The following TNR variants were observed in gnomAD, a reference collection of about 807,000 sequenced individuals.
TNR encodes tenascin-R.
In TNR, 45 loss-of-function variants were observed where a neutral mutation model predicts 150.4. The ratio of observed to expected loss-of-function variants is 0.30; its 90% confidence interval spans 0.24 to 0.38. TNR has a LOEUF of 0.38. Ranked by LOEUF, TNR falls within the 10% of genes least tolerant of loss-of-function variation. TNR has a pLI of 1.00. For synonymous variants in TNR, 687 were observed against 678.4 expected (o/e 1.01, Z -0.20); for missense variants, 1,544 against 1,759.1 (o/e 0.88, Z 2.19).
intron 8 of TNR, among the ~76,000 whole-genome samples, 172 bp downstream of exon 8, chr1:175,385,860 G>A (rs957494394): frequency 6.6e-6 from 1 of 152,186 alleles, no homozygotes; most frequent in Non-Finnish European, 1.5e-5. Context: ...AGGGAGCGCT[G>A]CTTTTCCTGT....
chr1:175,336,146 G>A (rs978253341), intron 19 of TNR, among the ~76,000 whole-genome samples: 3 of 152,190 alleles, frequency 2.0e-5, no homozygotes, highest in Admixed American at 6.5e-5. Context: ...GCTCTCAAAC[G>A]AATCTTTTGC....
In TNR at chr1:175,739,727, G is replaced by A. The variant is rs191940518; in HGVS notation, c.-165+3499C>T. 1.5e-3 allele frequency among the ~76,000 whole-genome samples: 222 copies of A among 152,096 alleles called. 2 individuals carry two copies. The highest frequency in any genetic ancestry group is 8.0e-4 in the African/African-American group (33 of 41,484). Reference sequence around the variant, plus strand: ...AATTTACTCTTAAATAAAGAGAAACGGCACCCTCCTCAGCCATGACCTTTG... The same window carrying A: ...AATTTACTCTTAAATAAAGAGAAACAGCACCCTCCTCAGCCATGACCTTTG... On this transcript the variant is annotated intron_variant, in intron 1 of 22. Coordinates refer to ENST00000367674, the MANE Select transcript of TNR (RefSeq NM_003285.3).
intron 2 of TNR, among the ~76,000 whole-genome samples, chr1:175,503,951 T>C (rs1457627403): frequency 1.3e-5 from 2 of 152,176 alleles, no homozygotes; most frequent in Non-Finnish European, 2.9e-5. Context: ...TGGGTTTACA[T>C]ATTGACAAAG....
At chr1:175,493,928 G>A (rs1307047945) in intron 2 of TNR, among the ~76,000 whole-genome samples, 1 of 152,086 alleles carries the variant, frequency 6.6e-6, no homozygotes, top group Non-Finnish European at 1.5e-5. Flanking sequence ...AGGAGCCTCC[G>A]TGAGATCCAC....
At chr1:175,505,298 T>A (rs534124398) in intron 2 of TNR, among the ~76,000 whole-genome samples, 4 of 152,230 alleles carry the variant, frequency 2.6e-5, no homozygotes, top group Non-Finnish European at 4.4e-5. Flanking sequence ...ACTGGGCTTA[T>A]CTCGGGCTTC....
intron 1 of TNR, among the ~76,000 whole-genome samples, chr1:175,613,507 T>A (rs886958165): frequency 2.6e-5 from 4 of 151,500 alleles, no homozygotes; most frequent in African/African-American, 9.7e-5. Context: ...GCCTGGTTCT[T>A]CTCGCCTGCA....
intron 1 of TNR, among the ~76,000 whole-genome samples, chr1:175,682,125 C>T (rs963900171): frequency 6.6e-6 from 1 of 152,182 alleles, no homozygotes; most frequent in African/African-American, 2.4e-5. Context: ...TATCTTCAAT[C>T]CCACATTTAC....
At chr1:175,709,788 C>G (rs1440076717) in intron 1 of TNR, among the ~76,000 whole-genome samples, 1 of 151,910 alleles carries the variant, frequency 6.6e-6, no homozygotes, top group Non-Finnish European at 1.5e-5. Flanking sequence ...TACTGAGCAC[C>G]CTACTGCTTC....
At chr1:175,432,793 T>A (rs1286601105) in intron 2 of TNR, among the ~76,000 whole-genome samples, 3 of 152,140 alleles carry the variant, frequency 2.0e-5, no homozygotes, top group African/African-American at 7.2e-5. Context: ...ATATTCACTC[T>A]CCTCTTCTCT....
chr1:175,622,024 G>T (rs1663993796), intron 1 of TNR, among the ~76,000 whole-genome samples: 1 of 152,226 alleles, frequency 6.6e-6, no homozygotes, highest in Admixed American at 6.5e-5. Flanking sequence ...ACTCTGTGAG[G>T]ATGTTAAGAG....
rs6657358 is a variant in TNR, at chr1:175,503,171, G to A, written c.-64+25098C>T. On this transcript the variant is annotated intron_variant, in intron 2 of 22. Coordinates refer to ENST00000367674, the MANE Select transcript of TNR (RefSeq NM_003285.3). Reference sequence around the variant, plus strand: ...GGGAGACCAGAGGACCCATGGCTGAGGGAAGAGAAGCCTCCCTAAGATGAG... The same window carrying A: ...GGGAGACCAGAGGACCCATGGCTGAAGGAAGAGAAGCCTCCCTAAGATGAG... Among the ~76,000 whole-genome samples the A allele has an allele frequency of 4.0e-3, 604 of 152,302 alleles. 7 individuals carry two copies. The highest frequency in any genetic ancestry group is 0.014 in the African/African-American group (574 of 41,570).
At chr1:175,350,506 G>A (rs1459234415) in intron 18 of TNR, among the ~76,000 whole-genome samples, 1 of 152,142 alleles carries the variant, frequency 6.6e-6, no homozygotes, top group Non-Finnish European at 1.5e-5. Context: ...TGAAATTTCA[G>A]GCGACAGTAA....
chr1:175,701,836 G>T (rs1666706166), intron 1 of TNR, among the ~76,000 whole-genome samples: 1 of 152,186 alleles, frequency 6.6e-6, no homozygotes, highest in Admixed American at 6.5e-5. Context: ...GTCACAATGT[G>T]CATTTGAACA....
At chr1:175,453,286 G>A (rs971081799) in intron 2 of TNR, among the ~76,000 whole-genome samples, 10 of 152,078 alleles carry the variant, frequency 6.6e-5, no homozygotes, top group African/African-American at 2.4e-4. Context: ...GACGTGTTTT[G>A]GAAATAAAGC....
At chr1:175,729,554 A>G (rs1427551169) in intron 1 of TNR, among the ~76,000 whole-genome samples, 1 of 151,792 alleles carries the variant, frequency 6.6e-6, no homozygotes, top group Non-Finnish European at 1.5e-5. Context: ...CAACCTCCCA[A>G]AACACTGGGA....
intron 2 of TNR, among the ~76,000 whole-genome samples, chr1:175,448,735 T>C (rs1443079135): frequency 1.1e-4 from 16 of 152,222 alleles, no homozygotes; most frequent in Admixed American, 1.0e-3. Context: ...AGGCTTCCGA[T>C]ATTCACTTTC....
At chr1:175,736,453 A>T (rs1258732366) in intron 1 of TNR, among the ~76,000 whole-genome samples, 2 of 152,026 alleles carry the variant, frequency 1.3e-5, no homozygotes, top group African/African-American at 2.4e-5. Flanking sequence ...CCCGGGAGGC[A>T]GAGTTTGCAG....
chr1:175,461,808 T>C (rs1482571089), intron 2 of TNR, among the ~76,000 whole-genome samples: 1 of 152,214 alleles, frequency 6.6e-6, no homozygotes, highest in Non-Finnish European at 1.5e-5. Flanking sequence ...TCTTCTCACA[T>C]GTCCTGGGCC....
chr1:175,472,747 C>T (rs935732910), intron 2 of TNR, among the ~76,000 whole-genome samples: 35 of 152,106 alleles, frequency 2.3e-4, no homozygotes, highest in Non-Finnish European at 4.0e-4. Flanking sequence ...GATGACATCT[C>T]GGAGGAAGGA....
Sources: allele counts gnomAD v4.1 joint callset (sites outside exome capture counted in the v4.1 genomes callset), GRCh38; gene constraint gnomAD v4.1.1; transcripts MANE v1.5; gene names NCBI Gene and HGNC (gene_info 2026-07-23, HGNC 2026-07-21).